The following KCNT2 variants were observed in gnomAD, a reference collection of about 807,000 sequenced individuals.
KCNT2 encodes potassium channel subfamily T member 2.
Under a neutral mutation model 153.8 loss-of-function variants are expected in KCNT2, and 67 were observed. The ratio of observed to expected loss-of-function variants is 0.44; its 90% CI spans 0.36 to 0.53. The LOEUF (loss-of-function observed/expected upper bound fraction) is 0.53, where lower values mean the gene tolerates loss of function less well. KCNT2 is among the 20% of genes least tolerant of loss of function. The pLI, the probability that KCNT2 is intolerant of heterozygous loss-of-function variation, is 0.00. For synonymous variants in KCNT2, 500 were observed against 458.8 expected (o/e 1.09, Z -1.15); for missense variants, 975 against 1,354.8 (o/e 0.72, Z 4.40).
At chr1:196,257,887 A>G (rs893690171) in intron 26 of KCNT2, 1 of 980,588 alleles carries the variant, frequency 1.0e-6, no homozygotes, top group African/African-American at 1.8e-5. Context: ...TACCTGACTT[A>G]GGTTCTTTAC....
chr1:196,361,840 C>T (rs1017861197), intron 14 of KCNT2, among the ~76,000 whole-genome samples: 6 of 152,006 alleles, frequency 3.9e-5, no homozygotes, highest in Non-Finnish European at 8.8e-5. Flanking sequence ...GTTGTATATG[C>T]CAACTAACAA....
intron 14 of KCNT2, among the ~76,000 whole-genome samples, chr1:196,357,532 T>G (rs1002001837): frequency 6.6e-6 from 1 of 151,886 alleles, no homozygotes; most frequent in Admixed American, 6.6e-5. Flanking sequence ...TTTTCAGTGG[T>G]AAATTTTAGG....
intron 8 of KCNT2, among the ~76,000 whole-genome samples, chr1:196,443,709 A>C (rs985023738): frequency 1.3e-5 from 2 of 151,546 alleles, no homozygotes; most frequent in African/African-American, 4.8e-5. Flanking sequence ...CCAATCCCAC[A>C]AGGGCAGAGG....
chr1:196,452,393 A>T (rs1453774149), intron 8 of KCNT2, among the ~76,000 whole-genome samples: 2 of 151,972 alleles, frequency 1.3e-5, no homozygotes, highest in African/African-American at 4.8e-5. Flanking sequence ...TACAGATTAT[A>T]ACCCAGATCA....
chr1:196,230,087 C>A (rs111439113), intron 27 of KCNT2, among the ~76,000 whole-genome samples: 2 of 152,000 alleles, frequency 1.3e-5, no homozygotes, highest in Non-Finnish European at 2.9e-5. Flanking sequence ...ATTTGGAAGA[C>A]AGCCTTCTAT....
At chr1:196,485,893 T>C (rs919325335) in intron 3 of KCNT2, among the ~76,000 whole-genome samples, 2 of 151,934 alleles carry the variant, frequency 1.3e-5, no homozygotes, top group African/African-American at 2.4e-5. Context: ...ACAGCCAAAT[T>C]ATAATTTCAA....
At position 196,486,910 on chromosome 1, in the gene KCNT2, A is replaced by C. The variant is rs370168229; in HGVS notation, c.275+2928T>G. Reference sequence around the variant, plus strand: ...GGTGACCAAAATATGAAAGCATATGAGTCTTGCCAATATGTTAGAAAGACT... The same window carrying C: ...GGTGACCAAAATATGAAAGCATATGCGTCTTGCCAATATGTTAGAAAGACT... On this transcript the variant is annotated intron_variant, in intron 3 of 27. Transcript: ENST00000294725. Among the ~76,000 whole-genome samples the C allele has an allele frequency of 5.9e-5, 9 of 152,072 alleles. No homozygotes were observed. In the East Asian group the frequency reaches 1.5e-3, roughly 26 times the overall value.
chr1:196,259,304 G>T lies in KCNT2; in HGVS notation c.2911-810C>A, dbSNP rs555490118. 3.3e-5 allele frequency among the ~76,000 whole-genome samples: 5 copies of T among 152,154 alleles called. No individual in the cohort carries two copies. In the South Asian group the frequency reaches 1.0e-3, roughly 32 times the overall value. Reference sequence around the variant, plus strand: ...TGACTAAATTTGATTTTTAAAGTAAGATGCTCTCCTTTGATTTTAAGCCTT... The same window carrying T: ...TGACTAAATTTGATTTTTAAAGTAATATGCTCTCCTTTGATTTTAAGCCTT... On this transcript the variant is annotated intron_variant, in intron 25 of 27. Transcript: ENST00000294725.
Position 196,228,238 on chromosome 1 carries a change from C to T in KCNT2, c.3394G>A (p.Glu1132Lys), listed in dbSNP as rs754243300. 6.2e-7 allele frequency: 1 copy of T among 1,603,200 alleles called. No homozygotes were observed. ...TTTTATTTTTATCAAAGTTGAGTTT[C>T]CTCCCGAGAATCTTGACCAGTGACA... ...CNVTGQDSREETQL is the reference protein window; with the variant it reads ...CNVTGQDSREKTQL The change falls in exon 28 of 28, where the codon GAA becomes AAA. Residue 1132 changes from glutamate to lysine, a missense_variant. This residue lies in a region of KCNT2 where 241 missense variants were observed against 271.1 expected (regional missense o/e 0.89). Transcript: ENST00000294725.
At chr1:196,277,522 T>C (rs1209518486) in intron 25 of KCNT2, among the ~76,000 whole-genome samples, 1 of 152,186 alleles carries the variant, frequency 6.6e-6, no homozygotes, top group Non-Finnish European at 1.5e-5. Context: ...TTCCATAGAC[T>C]AAACCTTTAA....
intron 13 of KCNT2, among the ~76,000 whole-genome samples, chr1:196,389,178 A>T (rs1382253406): frequency 6.6e-6 from 1 of 151,756 alleles, no homozygotes; most frequent in African/African-American, 2.4e-5. Context: ...TAACCTTGGG[A>T]TAAACCCAAC....
Position 196,570,067 on chromosome 1 carries a change from T to TAAAAAAAAAAAAAAAAA in KCNT2, c.95+38131_95+38147dup, listed in dbSNP as rs199836975. On this transcript the variant is annotated intron_variant, in intron 1 of 27. Transcript: ENST00000294725. ...TGAGTCCAGGAAGCTTGAGCTAGAG[T>TAAAAAAAAAAAAAAAAA]AAAAAAAAAAAAAAAAAAAAAAAAA... 2.7e-4 allele frequency among the ~76,000 whole-genome samples: 36 copies of TAAAAAAAAAAAAAAAAA among 133,730 alleles called. 3 individuals carry two copies. Among genetic ancestry groups the TAAAAAAAAAAAAAAAAA allele is most frequent in the South Asian group, 1.6e-3 (7 of 4,504 alleles). The allele number at this position is 133,730 out of a possible 152,430, so 87.7% of individuals were successfully genotyped here.
At chr1:196,294,918 T>A (rs557595398) in intron 22 of KCNT2, among the ~76,000 whole-genome samples, 1 of 151,906 alleles carries the variant, frequency 6.6e-6, no homozygotes, top group Non-Finnish European at 1.5e-5. Context: ...CATAAGGGGA[T>A]GTTGATCAAA....
chr1:196,379,566 TCTCTCTC>T (rs1412647028), intron 13 of KCNT2, among the ~76,000 whole-genome samples: 2 of 9,546 alleles, frequency 2.1e-4, no homozygotes, highest in Non-Finnish European at 1.7e-4. Context: ...AGTGAGACTT[TCTCTCTC>T]TCTCTCTCTC....
intron 22 of KCNT2, among the ~76,000 whole-genome samples, chr1:196,295,924 A>G (rs1222411823): frequency 6.6e-6 from 1 of 151,964 alleles, no homozygotes; most frequent in African/African-American, 2.4e-5. Flanking sequence ...TGTAAATTAT[A>G]TCATGGTTTT....
At chr1:196,372,154 A>T (rs532122532) in intron 14 of KCNT2, among the ~76,000 whole-genome samples, 1 of 152,132 alleles carries the variant, frequency 6.6e-6, no homozygotes, top group African/African-American at 2.4e-5. Context: ...ACTTTGAGAA[A>T]ATTGCTCCTA....
At chr1:196,244,460 G>C (rs75086179) in intron 26 of KCNT2, among the ~76,000 whole-genome samples, 1 of 152,052 alleles carries the variant, frequency 6.6e-6, no homozygotes, top group Non-Finnish European at 1.5e-5. Context: ...GGGCCAAAGG[G>C]GTGCCTACTG....
At chr1:196,324,538 A>G (rs1000712140) in intron 19 of KCNT2, among the ~76,000 whole-genome samples, 2 of 152,006 alleles carry the variant, frequency 1.3e-5, no homozygotes, top group Non-Finnish European at 2.9e-5. Flanking sequence ...ACATCTCTCT[A>G]AGACTAAATC....
intron 25 of KCNT2, among the ~76,000 whole-genome samples, chr1:196,275,588 C>T (rs1336388907): frequency 6.6e-6 from 1 of 151,862 alleles, no homozygotes; most frequent in Admixed American, 6.6e-5. Context: ...ACAGCCAAAG[C>T]AGTTATATCA....
Sources: gnomAD v4.1 joint callset for allele counts (sites outside exome capture counted in the v4.1 genomes callset) on GRCh38, gnomAD v4.1.1 for gene constraint, gnomAD v4.1.1 regional missense constraint, MANE v1.5 for transcripts, NCBI Gene and HGNC (gene_info 2026-07-23, HGNC 2026-07-21) for gene names.